GALNT10: variants seen among roughly 807,000 people sequenced by gnomAD.
GALNT10 encodes GalNAc transferase 10.
A neutral mutation model predicts 75.0 loss-of-function variants in GALNT10; 41 were observed. The ratio of observed to expected loss-of-function variants is 0.55; its 90% confidence interval spans 0.43 to 0.71. The LOEUF (loss-of-function observed/expected upper bound fraction) is 0.71, where lower values mean the gene tolerates loss of function less well. Ranked by LOEUF, GALNT10 falls within the 30% of genes least tolerant of loss-of-function variation. The pLI is 0.00. For missense variants in GALNT10, 727 were observed against 818.5 expected (o/e 0.89, Z 1.36); for synonymous variants, 302 against 313.0 (o/e 0.96, Z 0.37).
chr5:154,416,528 C>T lies in GALNT10; in HGVS notation c.1654-286C>T, dbSNP rs1701072902. On this transcript the variant is annotated intron_variant, in intron 11 of 11. Transcript: ENST00000297107. The surrounding 1 kb of genome is among the most constrained non-coding windows in gnomAD (Gnocchi z 4.5). ...ACACACACACACACACGATAAGGACCAGTGAGGTCTGACAGGAGGTGGGCA... is the reference window on the plus strand; with the variant it reads ...ACACACACACACACACGATAAGGACTAGTGAGGTCTGACAGGAGGTGGGCA... Among the ~76,000 whole-genome samples the T allele has an allele frequency of 7.0e-6, 1 of 142,630 alleles. No individual in the cohort carries two copies. The highest frequency in any genetic ancestry group is 6.9e-5 in the Admixed American group (1 of 14,532). 93.6% of individuals were successfully genotyped at this position (142,630 alleles called of 152,430 possible). A position where few individuals can be genotyped will look rare whatever the true frequency, so the allele number is the denominator to read the frequency against.
chr5:154,218,524 A>G (rs1414678028), intron 1 of GALNT10, among the ~76,000 whole-genome samples: 1 of 152,188 alleles, frequency 6.6e-6, no homozygotes, highest in Non-Finnish European at 1.5e-5. Context: ...TATGGCGATC[A>G]AAGTGTTGTA....
intron 1 of GALNT10, among the ~76,000 whole-genome samples, chr5:154,209,720 C>G (rs1775165334): frequency 6.6e-6 from 1 of 152,154 alleles, no homozygotes; most frequent in Admixed American, 6.5e-5. Flanking sequence ...TCCAAAGGCC[C>G]CATCTTGTAA....
At chr5:154,267,058 G>A (rs559628298) in intron 1 of GALNT10, among the ~76,000 whole-genome samples, 3 of 152,290 alleles carry the variant, frequency 2.0e-5, no homozygotes, top group South Asian at 2.1e-4. Context: ...TTCATACAGT[G>A]AGTTCATGCT....
At chr5:154,355,468 G>T (rs1397871293) in intron 4 of GALNT10, among the ~76,000 whole-genome samples, 1 of 152,162 alleles carries the variant, frequency 6.6e-6, no homozygotes, top group Non-Finnish European at 1.5e-5. Flanking sequence ...CCCATTCCGG[G>T]CCTGGCCCTG....
At chr5:154,394,975 C>T (rs114786924) in intron 7 of GALNT10, among the ~76,000 whole-genome samples, 3 of 152,356 alleles carry the variant, frequency 2.0e-5, no homozygotes, top group South Asian at 4.1e-4. Flanking sequence ...TCATGACTCT[C>T]GGCAAGTCAT....
intron 1 of GALNT10, among the ~76,000 whole-genome samples, chr5:154,262,843 A>G (rs1338012271): frequency 6.6e-6 from 1 of 152,166 alleles, no homozygotes; most frequent in East Asian, 1.9e-4. Context: ...TATTCTTTTA[A>G]TGTTAACATC....
rs1023652437 is a variant in GALNT10 at position 154,329,629 on chromosome 5, C to T, written c.459C>T (p.Phe153=). 2 of 1,613,542 alleles carry T rather than the reference C, an allele frequency of 1.2e-6. No individual in the cohort carries two copies. Among genetic ancestry groups the T allele is most frequent in the African/African-American group, 2.7e-5 (2 of 74,910 alleles). ...TLPNTSIIIP[F]HNEGWSSLLR... ...CCAACACAAGCATCATCATCCCCTT[C>T]CACAACGAGGGCTGGTCCTCCCTCC... Residue 153 remains phenylalanine, a synonymous_variant, in exon 4 of 12, where the codon TTC becomes TTT. Coordinates refer to ENST00000297107, the MANE Select transcript of GALNT10 (RefSeq NM_198321.4).
At chr5:154,253,473 C>A (rs575740860) in intron 1 of GALNT10, among the ~76,000 whole-genome samples, 8 of 151,912 alleles carry the variant, frequency 5.3e-5, no homozygotes, top group African/African-American at 1.9e-4. Flanking sequence ...AGCACACCAA[C>A]ATGGCATATG....
At chr5:154,382,996 C>G (rs1047284170) in intron 6 of GALNT10, among the ~76,000 whole-genome samples, 24 of 152,336 alleles carry the variant, frequency 1.6e-4, no homozygotes, top group Middle Eastern at 3.4e-3. Flanking sequence ...TGTAAAAACA[C>G]AAAGGCTTCC....
chr5:154,318,310 T>C (rs1295610582), intron 3 of GALNT10, among the ~76,000 whole-genome samples: 1 of 152,238 alleles, frequency 6.6e-6, no homozygotes, highest in Non-Finnish European at 1.5e-5. Flanking sequence ...ACTTGGATTG[T>C]TGCATGGCAG....
chr5:154,223,048 A>G (rs907663536), intron 1 of GALNT10, among the ~76,000 whole-genome samples: 1 of 152,194 alleles, frequency 6.6e-6, no homozygotes, highest in African/African-American at 2.4e-5. Flanking sequence ...AATATTTATC[A>G]TATTAACTCT....
chr5:154,231,977 A>G (rs1470138590), intron 1 of GALNT10, among the ~76,000 whole-genome samples: 2 of 152,254 alleles, frequency 1.3e-5, no homozygotes, highest in Admixed American at 6.5e-5. Context: ...TCCTCACTGT[A>G]TATCAGCTCA....
At chr5:154,277,221 C>A (rs950579651) in intron 1 of GALNT10, among the ~76,000 whole-genome samples, 11 of 151,890 alleles carry the variant, frequency 7.2e-5, no homozygotes, top group African/African-American at 2.7e-4. Flanking sequence ...GGCTCTCTGT[C>A]AGCTGTCTAG....
intron 5 of GALNT10, among the ~76,000 whole-genome samples, chr5:154,378,147 G>A (rs1755684818): frequency 6.6e-6 from 1 of 152,160 alleles, no homozygotes; most frequent in Non-Finnish European, 1.5e-5. Context: ...TTAAAAGTCT[G>A]TCCCTGCTAA....
At chr5:154,314,951 T>C (rs1188409776) in intron 3 of GALNT10, among the ~76,000 whole-genome samples, 1 of 152,052 alleles carries the variant, frequency 6.6e-6, no homozygotes, top group African/African-American at 2.4e-5. Context: ...TTGCTCTTAA[T>C]GTCATGATGG....
intron 1 of GALNT10, among the ~76,000 whole-genome samples, chr5:154,240,065 G>A (rs1006930683): frequency 2.0e-5 from 3 of 152,200 alleles, no homozygotes; most frequent in Non-Finnish European, 4.4e-5. Context: ...TACCTTGATT[G>A]CTTCCCTTGT....
chr5:154,303,780 A>G (rs1317449787), intron 3 of GALNT10, among the ~76,000 whole-genome samples: 1 of 152,236 alleles, frequency 6.6e-6, no homozygotes, highest in African/African-American at 2.4e-5. Flanking sequence ...CAATACATAA[A>G]TATTCACTAC....
At chr5:154,196,112 G>A (rs1423979988) in intron 1 of GALNT10, among the ~76,000 whole-genome samples, 1 of 152,076 alleles carries the variant, frequency 6.6e-6, no homozygotes, top group East Asian at 1.9e-4. Context: ...TAGTAGAGAT[G>A]GGGTTTTTCC....
At chr5:154,323,357 G>T (rs1754704965) in intron 3 of GALNT10, among the ~76,000 whole-genome samples, 1 of 151,558 alleles carries the variant, frequency 6.6e-6, no homozygotes, top group African/African-American at 2.4e-5. Context: ...GGACAACAGA[G>T]TAAGACCCCA....
Sources: gnomAD v4.1 joint callset for allele counts (sites outside exome capture counted in the v4.1 genomes callset) on GRCh38, gnomAD v4.1.1 for gene constraint, Gnocchi (gnomAD v3.1) non-coding constraint, MANE v1.5 for transcripts, NCBI Gene and HGNC (gene_info 2026-07-23, HGNC 2026-07-21) for gene names.